The following CTNNA3 variants were observed in gnomAD, a reference collection of about 807,000 sequenced individuals.
CTNNA3 encodes the protein catenin alpha 3, also known as catenin alpha-3.
A neutral mutation model predicts 95.7 loss-of-function variants in CTNNA3; 76 were observed. The observed-to-expected ratio is 0.79, with a 90% confidence interval of 0.66 to 0.96. The LOEUF (loss-of-function observed/expected upper bound fraction) is 0.96. CTNNA3 is among the 40% of genes least tolerant of loss of function. The probability of loss-of-function intolerance (pLI) is 0.00; values close to 1 mark genes in which losing one functional copy is unlikely to be tolerated. For synonymous variants in CTNNA3, 431 were observed against 374.4 expected (o/e 1.15, Z -1.74); for missense variants, 1,191 against 1,089.8 (o/e 1.09, Z -1.31).
chr10:66,178,395 A>C (rs2085835812), intron 13 of CTNNA3, among the ~76,000 whole-genome samples: 1 of 115,944 alleles, frequency 8.6e-6, no homozygotes. Flanking sequence ...CAAACCTTGA[A>C]AGTGTATATA....
intron 13 of CTNNA3, among the ~76,000 whole-genome samples, chr10:66,162,470 G>T (rs1215106605): frequency 1.3e-5 from 2 of 152,030 alleles, no homozygotes; most frequent in African/African-American, 2.4e-5. Flanking sequence ...ACTGACTGTT[G>T]TCTCCCTTCT....
At chr10:66,072,221 T>A (rs1006354455) in intron 14 of CTNNA3, among the ~76,000 whole-genome samples, 1 of 152,138 alleles carries the variant, frequency 6.6e-6, no homozygotes, top group Non-Finnish European at 1.5e-5. Flanking sequence ...TATTCTGAAT[T>A]TTTTCAACCA....
At chr10:67,145,005 T>C (rs1704135796) in intron 7 of CTNNA3, among the ~76,000 whole-genome samples, 1 of 152,108 alleles carries the variant, frequency 6.6e-6, no homozygotes, top group Non-Finnish European at 1.5e-5. Flanking sequence ...ACTGTAGGGT[T>C]ATTACTTGGC....
chr10:67,255,252 G>A lies in CTNNA3; in HGVS notation c.580-35382C>T, dbSNP rs578201536. On this transcript the variant is annotated intron_variant, in intron 5 of 17. Coordinates refer to ENST00000433211, the MANE Select transcript of CTNNA3 (RefSeq NM_013266.4). ...AGAGGTTGCAGTGAGCTGAGATAAT[G>A]CCATTGCACTCCAGCCTGGGCAACA... Among the ~76,000 whole-genome samples, 126 of 152,166 alleles carry A rather than the reference G, an allele frequency of 8.3e-4. 1 individual carries two copies. Among genetic ancestry groups the A allele is most frequent in the African/African-American group, 2.9e-3 (122 of 41,532 alleles).
At chr10:67,723,288 CTT>C (rs796834009) in intron 1 of CTNNA3, among the ~76,000 whole-genome samples, 5 of 140,972 alleles carry the variant, frequency 3.5e-5, no homozygotes, top group Admixed American at 7.1e-5. Flanking sequence ...CACCTGGCCT[CTT>C]TTTTTTTTTT....
chr10:66,949,207 T>C (rs1403060638), intron 7 of CTNNA3, among the ~76,000 whole-genome samples: 1 of 152,166 alleles, frequency 6.6e-6, no homozygotes, highest in Non-Finnish European at 1.5e-5. Context: ...CAATAATAAA[T>C]TTACTGAGAA....
intron 7 of CTNNA3, among the ~76,000 whole-genome samples, chr10:67,037,365 A>T (rs1854123988): frequency 6.9e-6 from 1 of 144,926 alleles, no homozygotes; most frequent in South Asian, 2.2e-4. Flanking sequence ...AACAATGGAA[A>T]TCTAAAAAAA....
At chr10:67,493,051 T>C (rs887064119) in intron 5 of CTNNA3, among the ~76,000 whole-genome samples, 52 of 152,172 alleles carry the variant, frequency 3.4e-4, no homozygotes, top group African/African-American at 1.3e-3. Flanking sequence ...TTGCCCTAAA[T>C]CTTGAATTTT....
chr10:66,362,563 A>G (rs987653271), intron 12 of CTNNA3, among the ~76,000 whole-genome samples: 1 of 151,946 alleles, frequency 6.6e-6, no homozygotes, highest in Non-Finnish European at 1.5e-5. Context: ...AATACAAAAA[A>G]TTAGCCGGGT....
At chr10:67,461,817 GCAACACAAA>G (rs1477814704) in intron 5 of CTNNA3, among the ~76,000 whole-genome samples, 1 of 152,122 alleles carries the variant, frequency 6.6e-6, no homozygotes, top group Admixed American at 6.6e-5. Flanking sequence ...TAAACATCCA[GCAACACAAA>G]CAACATGATG....
intron 13 of CTNNA3, among the ~76,000 whole-genome samples, chr10:66,190,176 A>T (rs894664367): frequency 6.6e-6 from 1 of 152,160 alleles, no homozygotes; most frequent in African/African-American, 2.4e-5. Flanking sequence ...AATCAGTAGC[A>T]AAGAAGTGAT....
chr10:67,406,088 A>T (rs2132822041), intron 5 of CTNNA3, among the ~76,000 whole-genome samples: 1 of 152,236 alleles, frequency 6.6e-6, no homozygotes, highest in Non-Finnish European at 1.5e-5. Flanking sequence ...TTTTATAAGA[A>T]TCTGACATTT....
chr10:66,493,976 C>A (rs188728293), intron 11 of CTNNA3, among the ~76,000 whole-genome samples: 1,865 of 144,712 alleles, frequency 0.013, 48 homozygotes, highest in African/African-American at 0.046. Flanking sequence ...GGCGCCACCT[C>A]GGCTCACTGC....
At chr10:66,479,433 A>G (rs1384626312) in intron 11 of CTNNA3, among the ~76,000 whole-genome samples, 1 of 152,016 alleles carries the variant, frequency 6.6e-6, no homozygotes, top group Non-Finnish European at 1.5e-5. Flanking sequence ...TCACACACAA[A>G]TCAAAAACAT....
intron 9 of CTNNA3, among the ~76,000 whole-genome samples, chr10:66,630,401 C>A (rs1845090933): frequency 6.6e-6 from 1 of 152,118 alleles, no homozygotes; most frequent in South Asian, 2.1e-4. Flanking sequence ...TCATCCTTAA[C>A]AAGGCTTGGG....
intron 5 of CTNNA3, among the ~76,000 whole-genome samples, chr10:67,415,675 G>C (rs1172432196): frequency 2.0e-5 from 3 of 152,130 alleles, no homozygotes; most frequent in Admixed American, 6.5e-5. Context: ...CGACAAAAGA[G>C]TGTGAATAGC....
intron 12 of CTNNA3, among the ~76,000 whole-genome samples, chr10:66,292,076 T>TACAC (rs112723652): frequency 0.045 from 6,702 of 149,434 alleles, 177 homozygotes; most frequent in Admixed American, 0.094. Context: ...CATATACAGA[T>TACAC]ACACACACAC....
At chr10:67,115,745 G>A (rs984150854) in intron 7 of CTNNA3, among the ~76,000 whole-genome samples, 1 of 151,786 alleles carries the variant, frequency 6.6e-6, no homozygotes, top group Admixed American at 6.6e-5. Flanking sequence ...TGGTTAAGAG[G>A]GTGGGGAGAG....
At position 65,941,869 on chromosome 10, in the gene CTNNA3, T is replaced by C. The variant is rs527433630; in HGVS notation, c.2401-21252A>G. ...ACAATGGGGAGAAAAAAAAATGGGG[T>C]AAAAGCAGCATTTTGAAAAGAATTA... On this transcript the variant is annotated intron_variant, in intron 17 of 17. Coordinates refer to ENST00000433211, the MANE Select transcript of CTNNA3 (RefSeq NM_013266.4). 4.6e-5 allele frequency among the ~76,000 whole-genome samples: 7 copies of C among 152,178 alleles called. No individual in the cohort carries two copies. In the South Asian group the frequency reaches 1.5e-3, roughly 32 times the overall value.
Sources: gnomAD v4.1 joint callset for allele counts (sites outside exome capture counted in the v4.1 genomes callset) on GRCh38, gnomAD v4.1.1 for gene constraint, MANE v1.5 for transcripts, NCBI Gene and HGNC (gene_info 2026-07-23, HGNC 2026-07-21) for gene names.